RNF180: variants seen among roughly 807,000 people sequenced by gnomAD.
RNF180 encodes the protein ring finger protein 180.
Under a neutral mutation model 59.2 loss-of-function variants are expected in RNF180, and 38 were observed. The observed-to-expected ratio is 0.64, with a 90% CI of 0.50 to 0.84. RNF180 has a LOEUF of 0.84. RNF180 is among the 40% of genes least tolerant of loss of function. The pLI, the probability that RNF180 is intolerant of heterozygous loss-of-function variation, is 0.00. For missense variants in RNF180, 705 were observed against 700.9 expected (o/e 1.01, Z -0.07); for synonymous variants, 262 against 240.3 (o/e 1.09, Z -0.84).
chr5:64,198,561 TG>T (rs1366513123), intron 1 of RNF180, among the ~76,000 whole-genome samples: 1 of 152,066 alleles, frequency 6.6e-6, no homozygotes, highest in Non-Finnish European at 1.5e-5. Context: ...CAAGAAGGCA[TG>T]GAAAAATTTC....
chr5:64,213,916 A>C lies in RNF180; in HGVS notation c.590A>C (p.Lys197Thr). Reference protein sequence around the residue: ...RPTYFEMKNEKLLSKASEPKY... With the variant: ...RPTYFEMKNETLLSKASEPKY... Reference sequence around the variant, plus strand: ...ACATATTTTGAGATGAAGAACGAAAAACTGCTGTCCAAAGCATCAGAACCA... The same window carrying C: ...ACATATTTTGAGATGAAGAACGAAACACTGCTGTCCAAAGCATCAGAACCA... The change falls in exon 4 of 8, where the codon AAA becomes ACA. Residue 197 changes from lysine (K) to threonine (T), a missense_variant. Coordinates refer to ENST00000389100, the MANE Select transcript of RNF180 (RefSeq NM_001113561.2). 1 of 1,614,064 alleles carries C rather than the reference A, an allele frequency of 6.2e-7. No individual in the cohort carries two copies. Among genetic ancestry groups the C allele is most frequent in the Non-Finnish European group, 8.5e-7 (1 of 1,180,012 alleles).
At chr5:64,307,593 A>C (rs987058044) in intron 5 of RNF180, among the ~76,000 whole-genome samples, 1 of 151,676 alleles carries the variant, frequency 6.6e-6, no homozygotes, top group Admixed American at 6.6e-5. Flanking sequence ...TTACATCCTG[A>C]TAAACTCATA....
At chr5:64,355,236 C>T (rs866517044) in intron 7 of RNF180, among the ~76,000 whole-genome samples, 2 of 151,782 alleles carry the variant, frequency 1.3e-5, no homozygotes, top group Non-Finnish European at 2.9e-5. Flanking sequence ...GCAGGTTATA[C>T]GATCAGCACA....
rs756040374 is a variant in RNF180 at position 64,214,218 on chromosome 5, GC to G, written c.898del (p.His300MetfsTer15). 1.2e-6 allele frequency: 2 copies of G among 1,613,876 alleles called. No homozygotes were observed. The highest frequency in any genetic ancestry group is 1.1e-5 in the South Asian group (1 of 91,078). On this transcript the variant is annotated frameshift_variant, in exon 4 of 8. Coordinates refer to ENST00000389100, the MANE Select transcript of RNF180 (RefSeq NM_001113561.2). LOFTEE classifies it high-confidence loss of function. ...TATGCTGCTGCAAAGATTTTCAGTG[GC>G]CCCCCATGAGACCCAGACACAAAGA... is the stretch of plus-strand genomic sequence containing the variant. Reference protein sequence around the residue: ...PSMLLQRFSVAPHETQTQRGG... With the variant: ...PSMLLQRFSVXPHETQTQRGG...
chr5:64,220,566 C>T (rs1752854077), intron 5 of RNF180, among the ~76,000 whole-genome samples: 1 of 151,950 alleles, frequency 6.6e-6, no homozygotes, highest in Non-Finnish European at 1.5e-5. Flanking sequence ...AATTTTAATC[C>T]TAGAACAAAA....
rs915330183 is a variant in RNF180 at position 64,217,484 on chromosome 5, C to T, written c.1227+88C>T. On this transcript the variant is annotated intron_variant, in intron 5 of 7. Coordinates refer to ENST00000389100, the MANE Select transcript of RNF180 (RefSeq NM_001113561.2). ...TTGCATTCCAAGCAGCAAAGACTTC[C>T]ATTTTCTGTGCGTCCTTGAAAGCAA... The T allele has an allele frequency of 5.0e-5, 65 of 1,311,506 alleles. No homozygotes were observed. The African/African-American group carries it at 9.6e-4, about 19-fold the overall frequency. The allele number at this position is 1,311,506 out of a possible 1,614,324, so 81.2% of individuals were successfully genotyped here.
At chr5:64,316,780 C>T (rs1744059408) in intron 5 of RNF180, among the ~76,000 whole-genome samples, 1 of 152,052 alleles carries the variant, frequency 6.6e-6, no homozygotes, top group African/African-American at 2.4e-5. Flanking sequence ...GAATGCTTAT[C>T]CTTTACTTCT....
At chr5:64,171,274 T>G (rs537808526) in intron 1 of RNF180, among the ~76,000 whole-genome samples, 109 of 152,288 alleles carry the variant, frequency 7.2e-4, no homozygotes, top group Non-Finnish European at 1.3e-3. Context: ...TTTGTAAAAA[T>G]TTAAGTAGAG....
At chr5:64,191,466 C>G (rs989088711) in intron 1 of RNF180, among the ~76,000 whole-genome samples, 1 of 152,116 alleles carries the variant, frequency 6.6e-6, no homozygotes, top group Non-Finnish European at 1.5e-5. Context: ...TCTCCTCCCC[C>G]CAGATACTTA....
In RNF180 at chr5:64,214,204, A is replaced by G; in HGVS notation, c.878A>G (p.Gln293Arg). Residue 293 changes from glutamine (Q) to arginine (R), a missense_variant, in exon 4 of 8, where the codon CAA (glutamine) becomes CGA (arginine). Physicochemically the swap from Gln to Arg is conservative, Grantham distance 43. Transcript: ENST00000389100. The part of the protein sequence containing the change: ...PSSFDPSMLL[Q>R]RFSVAPHETQ... ...AGTTTTGATCCTAGTATGCTGCTGC[A>G]AAGATTTTCAGTGGCCCCCCATGAG... is the stretch of plus-strand genomic sequence containing the variant. 1 of 1,614,140 alleles carries G rather than the reference A, an allele frequency of 6.2e-7. No individual in the cohort carries two copies. The highest frequency in any genetic ancestry group is 8.5e-7 in the Non-Finnish European group (1 of 1,180,012).
At chr5:64,239,689 T>G (rs1332904224) in intron 5 of RNF180, among the ~76,000 whole-genome samples, 2 of 152,184 alleles carry the variant, frequency 1.3e-5, no homozygotes, top group Admixed American at 6.5e-5. Flanking sequence ...GTCATGAGTC[T>G]GTTATCATTG....
chr5:64,217,786 CA>C (rs1209466348), intron 5 of RNF180: 53 of 143,186 alleles, frequency 3.7e-4, no homozygotes, highest in Non-Finnish European at 4.3e-4. Context: ...CTTATCTCTA[CA>C]AAAAAAAAAA....
intron 5 of RNF180, among the ~76,000 whole-genome samples, chr5:64,291,543 G>C (rs1437715101): frequency 1.4e-5 from 2 of 146,414 alleles, no homozygotes; most frequent in Non-Finnish European, 3.0e-5. Context: ...TCCTGTCTCA[G>C]CCTCCTGAGT....
rs909487888 is a variant in RNF180 at position 64,254,280 on chromosome 5, C to T, written c.1227+36884C>T. 5.9e-5 allele frequency among the ~76,000 whole-genome samples: 9 copies of T among 152,200 alleles called. No individual in the cohort carries two copies. In the South Asian group the frequency reaches 8.3e-4, roughly 14 times the overall value. On this transcript the variant is annotated intron_variant, in intron 5 of 7. Transcript: ENST00000389100. Reference sequence around the variant, plus strand: ...ATGTTGGAATGCTGACAAATGGAGCCTGATGACAGGATGAAAATGAAGATT... The same window carrying T: ...ATGTTGGAATGCTGACAAATGGAGCTTGATGACAGGATGAAAATGAAGATT...
At chr5:64,344,235 G>A (rs7446357) in intron 7 of RNF180, among the ~76,000 whole-genome samples, 11,914 of 152,082 alleles carry the variant, frequency 0.078, 637 homozygotes, top group South Asian at 0.16. Flanking sequence ...GCACAGAAAG[G>A]TTGGAAGTAT....
At chr5:64,321,629 A>G (rs1192721075) in intron 5 of RNF180, among the ~76,000 whole-genome samples, 2 of 152,132 alleles carry the variant, frequency 1.3e-5, no homozygotes, top group African/African-American at 4.8e-5. Context: ...TTCTCAAACT[A>G]CTATGGACAT....
At chr5:64,244,964 A>G (rs899651438) in intron 5 of RNF180, among the ~76,000 whole-genome samples, 1 of 152,210 alleles carries the variant, frequency 6.6e-6, no homozygotes, top group Non-Finnish European at 1.5e-5. Flanking sequence ...AATTTTCAAC[A>G]CAGAATTTCA....
At chr5:64,345,658 A>G (rs1301061876) in intron 7 of RNF180, among the ~76,000 whole-genome samples, 1 of 152,216 alleles carries the variant, frequency 6.6e-6, no homozygotes, top group Non-Finnish European at 1.5e-5. Context: ...GGCCACTTCC[A>G]ATCAACCACA....
chr5:64,295,833 A>G (rs1334340452), intron 5 of RNF180, among the ~76,000 whole-genome samples: 1 of 152,172 alleles, frequency 6.6e-6, no homozygotes, highest in African/African-American at 2.4e-5. Flanking sequence ...TGTCTTACAT[A>G]CTGAGCATCT....
Sources: allele counts gnomAD v4.1 joint callset (sites outside exome capture counted in the v4.1 genomes callset), GRCh38; gene constraint gnomAD v4.1.1; transcripts MANE v1.5; gene names NCBI Gene and HGNC (gene_info 2026-07-23, HGNC 2026-07-21).